The following ACAP3 variants were observed in gnomAD, a reference collection of about 807,000 sequenced individuals.
ACAP3 encodes arf-GAP with coiled-coil, ANK repeat and PH domain-containing protein 3.
Under a neutral mutation model 104.1 loss-of-function variants are expected in ACAP3, and 56 were observed. The observed-to-expected ratio is 0.54, with a 90% CI of 0.43 to 0.67. The LOEUF (loss-of-function observed/expected upper bound fraction) is 0.67, where lower values mean the gene tolerates loss of function less well. Ranked by LOEUF, ACAP3 falls within the 30% of genes least tolerant of loss-of-function variation. The pLI is 0.00. For synonymous variants in ACAP3, 628 were observed against 496.2 expected, an observed-to-expected ratio of 1.27 and a Z score of -3.53; for missense variants, 1,208 against 1,174.9, an observed-to-expected ratio of 1.03 and a Z score of -0.41.
At chr1:1,294,983 G>A (rs1214994774) in intron 19 of ACAP3, 167 bp from the exon 20 acceptor site, 1 of 644,296 alleles carries the variant, frequency 1.6e-6, no homozygotes, top group African/African-American at 1.8e-5. Context: ...GAGCAAAGGA[G>A]AGAAAACCAA....
At position 1,300,563 on chromosome 1, in the gene ACAP3, G is replaced by A. The variant is rs781465610; in HGVS notation, c.468C>T (p.Ala156=). ...GGAAGCACTTCCTGGTGAGGGTGAG[G>A]GCCCCGGTGGCTTCCTCCACCTCGT... ...RPHEVEEATG[A]LTLTRKCFRH... The change falls in exon 6 of 24, where the codon GCC becomes GCT. Residue 156 remains alanine (A), a synonymous_variant. Transcript: ENST00000354700. The A allele has an allele frequency of 1.9e-6, 3 of 1,612,020 alleles. No individual in the cohort carries two copies. Among genetic ancestry groups the A allele is most frequent in the Admixed American group, 3.3e-5 (2 of 59,932 alleles).
At chr1:1,293,980 G>GCGAGT in intron 22 of ACAP3, 47 bp from the exon 23 acceptor site, 1 of 1,481,792 alleles carries the variant, frequency 6.7e-7, no homozygotes, top group Non-Finnish European at 9.0e-7. Flanking sequence ...GCGGGGCGGG[G>GCGAGT]CGAGTGTGGT....
chr1:1,307,733 G>T, intron 1 of ACAP3, 36 bp downstream of exon 1: 1 of 1,084,764 alleles, frequency 9.2e-7, no homozygotes, highest in South Asian at 4.0e-5. Context: ...CGACGCCCCC[G>T]GCCTGCGCCC....
intron 1 of ACAP3, 50 bp from the exon 2 acceptor site, chr1:1,304,193 C>G: frequency 6.5e-7 from 1 of 1,546,612 alleles, no homozygotes; most frequent in Non-Finnish European, 8.7e-7. Context: ...TCAGCCCCCT[C>G]GGGGCTTCAC....
chr1:1,301,814 G>A, intron 5 of ACAP3, 174 bp downstream of exon 5: 1 of 513,536 alleles, frequency 1.9e-6, no homozygotes, highest in Non-Finnish European at 3.3e-6. Flanking sequence ...TGCAGGGTGT[G>A]GAACCCCCCG....
At chr1:1,300,811 A>T (rs1212031797) in intron 5 of ACAP3, 119 bp from the exon 6 acceptor site, 2 of 1,087,718 alleles carry the variant, frequency 1.8e-6, no homozygotes, top group Non-Finnish European at 2.6e-6. Flanking sequence ...CGCTCTTGTC[A>T]CCCAGGCTGG....
chr1:1,299,047 C>G, intron 10 of ACAP3: 3 of 567,252 alleles, frequency 5.3e-6, no homozygotes, highest in Non-Finnish European at 9.4e-6. Flanking sequence ...TTCAGGAGGC[C>G]TGGGAGTCAC....
intron 14 of ACAP3, among the ~76,000 whole-genome samples, chr1:1,297,097 T>C (rs924773604): frequency 6.6e-6 from 1 of 152,072 alleles, no homozygotes; most frequent in African/African-American, 2.4e-5. Flanking sequence ...CCATCCCCAG[T>C]GGCACGTAGG....
Position 1,303,697 on chromosome 1 carries a change from G to C in ACAP3, c.105+389C>G, listed in dbSNP as rs114969353. ...GCCCCCTCTTTCTCAGCCCATGTGGGGCTCATGGACACGGCTCCCCCCTCC... is the reference window on the plus strand; with the variant it reads ...GCCCCCTCTTTCTCAGCCCATGTGGCGCTCATGGACACGGCTCCCCCCTCC... On this transcript the variant is annotated intron_variant, in intron 2 of 23. Transcript: ENST00000354700. The surrounding 1 kb of genome is among the most constrained non-coding windows in gnomAD (Gnocchi z 4.0). 1 of 388,528 alleles carries C rather than the reference G, an allele frequency of 2.6e-6. No individual in the cohort carries two copies. The highest frequency in any genetic ancestry group is 2.2e-5 in the African/African-American group (1 of 45,654). 24.1% of individuals were successfully genotyped at this position (388,528 alleles called of 1,614,324 possible).
At chr1:1,294,275 T>C in intron 21 of ACAP3, 76 bp from the exon 22 acceptor site, 5 of 1,515,710 alleles carry the variant, frequency 3.3e-6, no homozygotes, top group Non-Finnish European at 4.5e-6. Context: ...ACCCCGGCCT[T>C]GGGCGCCCCC....
rs1641258697 is a variant in ACAP3 at position 1,297,838 on chromosome 1, T to C, written c.1112A>G (p.Asp371Gly). 6.2e-7 allele frequency: 1 copy of C among 1,611,444 alleles called. No individual in the cohort carries two copies. The highest frequency in any genetic ancestry group is 2.2e-5 in the East Asian group (1 of 44,808). ...GGGCCACACCTCGCTATAGCAACTG[T>C]CAGGGCTCTCGCGGTAGGCGGAGGC... ...SIASAYRESP[D>G]SCYSERLDRT... is the part of the protein sequence containing the mutation. Residue 371 changes from aspartate to glycine, a missense_variant, in exon 14 of 24, where the codon GAC (aspartate) becomes GGC (glycine). Asp to Gly is a moderately conservative substitution (Grantham distance 94). Coordinates refer to ENST00000354700, the MANE Select transcript of ACAP3 (RefSeq NM_030649.3).
Position 1,294,623 on chromosome 1 carries a change from C to T in ACAP3, c.1918G>A (p.Ala640Thr), listed in dbSNP as rs1257720162. The T allele has an allele frequency of 6.5e-7, 1 of 1,530,366 alleles. No individual in the cohort carries two copies. 94.8% of individuals were successfully genotyped at this position (1,530,366 alleles called of 1,614,324 possible). A position where few individuals can be genotyped will look rare whatever the true frequency, so the allele number is the denominator to read the frequency against. ...VVDSVTEEEG[A>T]ESEESSGEAD... ...TCACCGCTGGACTCCTCCGACTCTG[C>T]ACCCTCTGTGGGGAGGGGGCGGTCA... The change falls in exon 21 of 24, where the codon GCA becomes ACA. Residue 640 changes from alanine (A) to threonine (T), a missense_variant. Transcript: ENST00000354700.
At position 1,298,552 on chromosome 1, in the gene ACAP3, A is replaced by C; in HGVS notation, c.863+15T>G. The C allele has an allele frequency of 7.3e-7, 1 of 1,364,432 alleles. No homozygotes were observed. The highest frequency in any genetic ancestry group is 1.0e-6 in the Non-Finnish European group (1 of 999,530). 84.5% of individuals were successfully genotyped at this position (1,364,432 alleles called of 1,614,324 possible). A position where few individuals can be genotyped will look rare whatever the true frequency, so the allele number is the denominator to read the frequency against. On this transcript the variant is annotated intron_variant, in intron 11 of 23. Transcript: ENST00000354700. ...CGCCTAAGGACCCCGCCCCCACCTG[A>C]GGAAGGCCTCTCACCGGTTCCATGT...
At chr1:1,307,467 C>T (rs944631481) in intron 1 of ACAP3, 8 of 1,291,078 alleles carry the variant, frequency 6.2e-6, no homozygotes, top group East Asian at 5.4e-5. Context: ...CTGCAGGGCC[C>T]GGGAGGGGCT....
At chr1:1,299,235 G>A in intron 10 of ACAP3, 110 bp downstream of exon 10, 2 of 1,375,042 alleles carry the variant, frequency 1.5e-6, no homozygotes, top group Non-Finnish European at 2.0e-6. Flanking sequence ...AGCCGAGACT[G>A]GTGGGAGGTG....
intron 4 of ACAP3, 87 bp downstream of exon 4, chr1:1,302,835 C>G (rs372924145): frequency 1.0e-4 from 92 of 885,346 alleles, no homozygotes; most frequent in South Asian, 4.9e-4. Context: ...CGTGCCCCCC[C>G]CAACCCGACG....
chr1:1,303,053 G>A lies in ACAP3; in HGVS notation c.226-78C>T, dbSNP rs1641520467. 4 of 1,557,920 alleles carry A rather than the reference G, an allele frequency of 2.6e-6. No homozygotes were observed. The highest frequency in any genetic ancestry group is 2.6e-6 in the Non-Finnish European group (3 of 1,150,060). On this transcript the variant is annotated intron_variant, in intron 3 of 23. Transcript: ENST00000354700. The surrounding 1 kb of genome is among the most constrained non-coding windows in gnomAD (Gnocchi z 4.0). ...ACCCAGCCACGCCCTCTGAGCCCCT[G>A]GGCGGTGCAGACACCGGCCTGCTTC... is the stretch of plus-strand genomic sequence containing the variant.
chr1:1,298,702 C>T (rs780389160), intron 10 of ACAP3, 23 bp from the exon 11 acceptor site: 9 of 1,573,256 alleles, frequency 5.7e-6, no homozygotes, highest in Admixed American at 1.7e-5. Flanking sequence ...AACCCGCCCC[C>T]TCAGTGCCCA....
intron 5 of ACAP3, 54 bp downstream of exon 5, chr1:1,301,934 C>A: frequency 6.7e-7 from 1 of 1,484,108 alleles, no homozygotes; most frequent in Non-Finnish European, 9.0e-7. Flanking sequence ...CCTTCCCCTC[C>A]AAGGGAGGGA....
Sources: allele counts gnomAD v4.1 joint callset (sites outside exome capture counted in the v4.1 genomes callset), GRCh38; gene constraint gnomAD v4.1.1; non-coding constraint Gnocchi (gnomAD v3.1); transcripts MANE v1.5; gene names NCBI Gene and HGNC (gene_info 2026-07-23, HGNC 2026-07-21).